Variants in VMP1 observed in about 807,000 individuals in gnomAD.
VMP1 encodes the protein ectopic P-granules autophagy protein 3 homolog.
Under a neutral mutation model 56.0 loss-of-function variants are expected in VMP1, and 11 were observed. The ratio of observed to expected loss-of-function variants is 0.20; its 90% CI spans 0.12 to 0.32. VMP1 has a LOEUF of 0.32. VMP1 is among the 10% of genes least tolerant of loss of function. The probability of loss-of-function intolerance (pLI) is 1.00; values close to 1 mark genes in which losing one functional copy is unlikely to be tolerated. For missense variants in VMP1, 296 were observed against 490.3 expected (o/e 0.60, Z 3.74); for synonymous variants, 149 against 165.0 (o/e 0.90, Z 0.74).
intron 5 of VMP1, among the ~76,000 whole-genome samples, chr17:59,754,586 A>G (rs1474868298): frequency 2.0e-5 from 3 of 152,196 alleles, no homozygotes; most frequent in African/African-American, 7.2e-5. Flanking sequence ...AAAAGAAATT[A>G]CCAAAAGTTA....
At chr17:59,834,911 A>G (rs1047585783) in intron 10 of VMP1, among the ~76,000 whole-genome samples, 5 of 150,562 alleles carry the variant, frequency 3.3e-5, no homozygotes, top group Middle Eastern at 7.0e-3. Flanking sequence ...GGTGTGAACC[A>G]CCGAGGCTGG....
chr17:59,838,323 C>G lies in VMP1; in HGVS notation c.1003C>G (p.Gln335Glu). The change falls in exon 11 of 12, where the codon CAG becomes GAG. Residue 335 changes from glutamine to glutamate, a missense_variant. By Grantham distance (29) the Gln-to-Glu change is conservative (BLOSUM62 2). Coordinates refer to ENST00000262291, the MANE Select transcript of VMP1 (RefSeq NM_030938.5). ...TGTCCCCGGCATAGGTCCATCTCTG[C>G]AGAAGCCATTTCAGGAGTACCTGGA... ...GAVPGIGPSL[Q>E]KPFQEYLEAQ... 6.2e-7 allele frequency: 1 copy of G among 1,614,096 alleles called. No homozygotes were observed. The highest frequency in any genetic ancestry group is 8.5e-7 in the Non-Finnish European group (1 of 1,180,022).
intron 5 of VMP1, among the ~76,000 whole-genome samples, chr17:59,751,493 G>A (rs1204668674): frequency 1.3e-5 from 2 of 151,864 alleles, no homozygotes; most frequent in African/African-American, 2.4e-5. Context: ...TGTGATCCCA[G>A]CACTTTGGGA....
chr17:59,712,320 CAT>C, intron 1 of VMP1, among the ~76,000 whole-genome samples: 1 of 152,192 alleles, frequency 6.6e-6, no homozygotes, highest in East Asian at 1.9e-4. Context: ...TATTTTACAA[CAT>C]ATGTGAGATT....
rs1301592177 is a variant in VMP1, at chr17:59,755,691, C to T, written c.415-9280C>T. Among the ~76,000 whole-genome samples the T allele has an allele frequency of 8.6e-5, 13 of 151,166 alleles. No individual in the cohort carries two copies. In the East Asian group the frequency reaches 1.2e-3, roughly 14 times the overall value. ...CTGAAATCCACATTAATGCATGCCC[C>T]GGTTACTGCTTTTTGACAGTTTGTT... On this transcript the variant is annotated intron_variant, in intron 5 of 11. Transcript: ENST00000262291.
chr17:59,742,113 A>T (rs2035248550), intron 5 of VMP1, among the ~76,000 whole-genome samples: 2 of 152,198 alleles, frequency 1.3e-5, no homozygotes, highest in Admixed American at 1.3e-4. Context: ...GTTAAATGAG[A>T]TCCTCACTTT....
intron 7 of VMP1, among the ~76,000 whole-genome samples, chr17:59,798,651 C>T (rs1387258398): frequency 3.3e-5 from 5 of 152,200 alleles, no homozygotes; most frequent in African/African-American, 1.2e-4. Context: ...CTCTGGGAGG[C>T]CAAGGCAGGC....
chr17:59,815,627 G>A (rs1411691071), intron 9 of VMP1, among the ~76,000 whole-genome samples: 3 of 152,286 alleles, frequency 2.0e-5, no homozygotes, highest in South Asian at 2.1e-4. Context: ...GCCGAGGCAG[G>A]TGGATCACAA....
At chr17:59,718,644 C>T (rs2143732058) in intron 1 of VMP1, among the ~76,000 whole-genome samples, 1 of 152,180 alleles carries the variant, frequency 6.6e-6, no homozygotes, top group East Asian at 1.9e-4. Flanking sequence ...GCTGGGACTA[C>T]ATGCACATAC....
chr17:59,727,131 GTTTTT>G (rs556105876), intron 1 of VMP1, among the ~76,000 whole-genome samples: 1 of 139,376 alleles, frequency 7.2e-6, no homozygotes, highest in African/African-American at 3.2e-5. Flanking sequence ...TAGACTTTTT[GTTTTT>G]TTTTGTTTTT....
chr17:59,817,638 A>G lies in VMP1; in HGVS notation c.913-74A>G, dbSNP rs553533468. Reference sequence around the variant, plus strand: ...GGGCACAATCTTACCTCTTTAGACTATTACCAGAATTGTGAATTTATGTTG... The same window carrying G: ...GGGCACAATCTTACCTCTTTAGACTGTTACCAGAATTGTGAATTTATGTTG... On this transcript the variant is annotated intron_variant, in intron 9 of 11. Transcript: ENST00000262291. The G allele has an allele frequency of 1.2e-3, 1,366 of 1,109,900 alleles. 1 individual carries two copies. Among genetic ancestry groups the G allele is most frequent in the Non-Finnish European group, 1.6e-3 (1,201 of 751,248 alleles). 68.8% of individuals were successfully genotyped at this position (1,109,900 alleles called of 1,614,324 possible). A position where few individuals can be genotyped will look rare whatever the true frequency, so the allele number is the denominator to read the frequency against.
At chr17:59,819,982 C>T (rs978102127) in intron 10 of VMP1, among the ~76,000 whole-genome samples, 2 of 152,224 alleles carry the variant, frequency 1.3e-5, no homozygotes, top group African/African-American at 4.8e-5. Flanking sequence ...CTACTTGTTT[C>T]ATCTACCGAT....
At chr17:59,736,502 G>A (rs2035022240) in intron 3 of VMP1, among the ~76,000 whole-genome samples, 1 of 150,420 alleles carries the variant, frequency 6.6e-6, no homozygotes, top group South Asian at 2.1e-4. Context: ...TAGGCCATTT[G>A]GGAGGCTGAG....
intron 7 of VMP1, among the ~76,000 whole-genome samples, chr17:59,784,159 T>C (rs1245090904): frequency 1.8e-5 from 2 of 113,852 alleles, no homozygotes; most frequent in African/African-American, 7.6e-5. Flanking sequence ...GAGAGAGAGA[T>C]TGGAGGGAGG....
chr17:59,838,306 G>C lies in VMP1; in HGVS notation c.986G>C (p.Gly329Ala). 1 of 1,613,892 alleles carries C rather than the reference G, an allele frequency of 6.2e-7. No individual in the cohort carries two copies. Among genetic ancestry groups the C allele is most frequent in the Admixed American group, 1.7e-5 (1 of 59,984 alleles). Residue 329 changes from glycine to alanine, a missense_variant, in exon 11 of 12, where the codon GGC becomes GCC. By Grantham distance (60) the Gly-to-Ala change is moderately conservative. This residue lies in a region of VMP1 where 95 missense variants were observed against 137.6 expected (regional missense o/e 0.69). Coordinates refer to ENST00000262291, the MANE Select transcript of VMP1 (RefSeq NM_030938.5). ...TACCCTGCTTCCAGTGCTGTCCCCG[G>C]CATAGGTCCATCTCTGCAGAAGCCA... ...QMVAFIGAVP[G>A]IGPSLQKPFQ...
intron 10 of VMP1, among the ~76,000 whole-genome samples, chr17:59,822,326 C>CTT (rs774358954): frequency 0.35 from 43,900 of 125,138 alleles, 9,781 homozygotes; most frequent in Non-Finnish European, 0.46. Flanking sequence ...GTAGGAAATA[C>CTT]TTTTTTTTTT....
chr17:59,763,643 G>C (rs542463250), intron 5 of VMP1, among the ~76,000 whole-genome samples: 2 of 151,960 alleles, frequency 1.3e-5, no homozygotes, highest in Non-Finnish European at 2.9e-5. Flanking sequence ...TTATTATCTT[G>C]ATAGTAGAAT....
chr17:59,784,336 TCTA>T (rs1454765030), intron 7 of VMP1, among the ~76,000 whole-genome samples: 1 of 152,098 alleles, frequency 6.6e-6, no homozygotes, highest in Non-Finnish European at 1.5e-5. Flanking sequence ...CATCTGCATG[TCTA>T]CTTTTTCAGT....
At chr17:59,785,552 T>C (rs887161216) in intron 7 of VMP1, among the ~76,000 whole-genome samples, 1 of 152,008 alleles carries the variant, frequency 6.6e-6, no homozygotes, top group Non-Finnish European at 1.5e-5. Flanking sequence ...TAGCTGGGCA[T>C]GATGGCAGGC....
Sources: allele counts gnomAD v4.1 joint callset (sites outside exome capture counted in the v4.1 genomes callset), GRCh38; gene constraint gnomAD v4.1.1; regional missense constraint gnomAD v4.1.1; transcripts MANE v1.5; gene names NCBI Gene and HGNC (gene_info 2026-07-23, HGNC 2026-07-21).